RUFY4: variants seen among roughly 807,000 people sequenced by gnomAD.
RUFY4 encodes the protein RUN and FYVE domain-containing protein 4.
RUFY4 carries 73 observed loss-of-function variants against 69.0 expected under a neutral mutation model. The ratio of observed to expected loss-of-function variants is 1.06; its 90% confidence interval spans 0.88 to 1.29. The LOEUF is 1.29. Ranked by LOEUF, RUFY4 falls within the 50% of genes most tolerant of loss-of-function variation. The pLI, the probability that RUFY4 is intolerant of heterozygous loss-of-function variation, is 0.00. For synonymous variants in RUFY4, 287 were observed against 271.8 expected, an observed-to-expected ratio of 1.06 and a Z score of -0.55; for missense variants, 770 against 705.6, an observed-to-expected ratio of 1.09 and a Z score of -1.03.
chr2:218,049,384 C>T (rs1688895389), intron 2 of RUFY4, among the ~76,000 whole-genome samples: 1 of 152,170 alleles, frequency 6.6e-6, no homozygotes, highest in Non-Finnish European at 1.5e-5. Flanking sequence ...GAAAGTTTTT[C>T]CTTCAGCACT....
At chr2:218,070,374 G>A (rs748250602), upstream of RUFY4, 62 of 597,816 alleles carry the variant, frequency 1.0e-4, no homozygotes, top group South Asian at 2.8e-4. Flanking sequence ...TCGTCACCCA[G>A]GGACTGCTCA....
chr2:218,052,751 A>AC (rs989583445), intron 2 of RUFY4, among the ~76,000 whole-genome samples: 3 of 151,730 alleles, frequency 2.0e-5, no homozygotes, highest in African/African-American at 7.3e-5. Context: ...TTTTTAAAAA[A>AC]AAAAGATAAC....
intron 9 of RUFY4, among the ~76,000 whole-genome samples, chr2:218,086,921 T>G (rs999092486): frequency 2.0e-5 from 3 of 151,704 alleles, no homozygotes; most frequent in Non-Finnish European, 4.4e-5. Flanking sequence ...GAAAATAATA[T>G]GTTAAAGGCA....
At chr2:218,060,689 G>T (rs1390197779) in intron 3 of RUFY4, 3 of 1,332,672 alleles carry the variant, frequency 2.3e-6, no homozygotes, top group Admixed American at 1.7e-5. Context: ...CAGTGCTTCT[G>T]CCCCATATGG....
intron 8 of RUFY4, among the ~76,000 whole-genome samples, chr2:218,080,111 G>A (rs1468196555): frequency 6.6e-6 from 1 of 152,210 alleles, no homozygotes; most frequent in South Asian, 2.1e-4. Flanking sequence ...TTGACAGGCA[G>A]GCCAGATGCA....
intron 3 of RUFY4, among the ~76,000 whole-genome samples, chr2:218,062,186 T>G (rs1283432125): frequency 6.6e-6 from 1 of 150,752 alleles, no homozygotes; most frequent in Non-Finnish European, 1.5e-5. Flanking sequence ...GATCACAAGG[T>G]CAGGAGATCA....
At chr2:218,050,435 C>A (rs1688917171) in intron 2 of RUFY4, among the ~76,000 whole-genome samples, 1 of 152,092 alleles carries the variant, frequency 6.6e-6, no homozygotes, top group Non-Finnish European at 1.5e-5. Flanking sequence ...CTTCCACTTG[C>A]CGAACTGCAG....
chr2:218,070,001 A>G (rs1020738034), upstream of RUFY4, among the ~76,000 whole-genome samples: 3 of 152,130 alleles, frequency 2.0e-5, no homozygotes, highest in Admixed American at 2.0e-4. Flanking sequence ...TTACTTCTGC[A>G]CCCTCTCCTC....
intron 3 of RUFY4, chr2:218,059,601 T>A (rs962806156): frequency 6.0e-6 from 1 of 167,084 alleles, no homozygotes; most frequent in African/African-American, 2.4e-5. Context: ...GTATGAGTAC[T>A]TCATTCCTCT....
chr2:218,075,549 G>T, exon 7 of RUFY4: 3 of 1,536,714 alleles, frequency 2.0e-6, no homozygotes, highest in Non-Finnish European at 2.6e-6. Flanking sequence ...CCCCAGAGGG[G>T]CTGTAGAGGG....
chr2:218,060,643 A>T, intron 3 of RUFY4: 8 of 1,356,424 alleles, frequency 5.9e-6, no homozygotes, highest in Non-Finnish European at 8.5e-6. Flanking sequence ...GCAGAGCAGG[A>T]AAATGAGGAC....
intron 8 of RUFY4, among the ~76,000 whole-genome samples, chr2:218,081,050 T>C (rs191883781): frequency 8.6e-5 from 13 of 151,978 alleles, no homozygotes; most frequent in Admixed American, 5.9e-4. Context: ...GCCTGGCATA[T>C]AGTAAGTGCT....
chr2:218,057,869 G>A (rs1339579757), intron 2 of RUFY4, among the ~76,000 whole-genome samples: 1 of 152,164 alleles, frequency 6.6e-6, no homozygotes, highest in South Asian at 2.1e-4. Flanking sequence ...AGTATTCCAT[G>A]GTGTGGCTGC....
At chr2:218,037,327 A>G (rs1958994561) in intron 2 of RUFY4, among the ~76,000 whole-genome samples, 1 of 151,870 alleles carries the variant, frequency 6.6e-6, no homozygotes, top group Non-Finnish European at 1.5e-5. Context: ...CTCAAAAAAA[A>G]AAAAGATAAT....
chr2:218,044,891 G>T (rs923314695), intron 2 of RUFY4, among the ~76,000 whole-genome samples: 9 of 152,142 alleles, frequency 5.9e-5, no homozygotes, highest in African/African-American at 2.2e-4. Flanking sequence ...GAATAGTGCT[G>T]CAATGAACAT....
chr2:218,075,905 CA>C (rs1689620537), intron 7 of RUFY4, among the ~76,000 whole-genome samples, 165 bp downstream of exon 9: 1 of 152,124 alleles, frequency 6.6e-6, no homozygotes, highest in African/African-American at 2.4e-5. Flanking sequence ...ATACATTCTT[CA>C]GGTCCCCACA....
intron 8 of RUFY4, among the ~76,000 whole-genome samples, chr2:218,077,215 G>A (rs1307884153): frequency 3.3e-5 from 5 of 150,488 alleles, no homozygotes; most frequent in East Asian, 2.0e-4. Flanking sequence ...GCAGCATGTC[G>A]AGTGCCTGCA....
At chr2:218,073,533 C>T (rs941381980) in intron 5 of RUFY4, 147 bp downstream of exon 7, 10 of 1,179,166 alleles carry the variant, frequency 8.5e-6, no homozygotes, top group Non-Finnish European at 1.2e-5. Flanking sequence ...TTCTAGCCCT[C>T]GATGCTCCCA....
intron 3 of RUFY4, among the ~76,000 whole-genome samples, chr2:218,062,389 G>A (rs55733908): frequency 0.028 from 4,099 of 144,662 alleles, 163 homozygotes; most frequent in African/African-American, 0.097. Context: ...TTGGGAGACA[G>A]AGCGAGACTC....
Sources: gnomAD v4.1 joint callset for allele counts (sites outside exome capture counted in the v4.1 genomes callset) on GRCh38, gnomAD v4.1.1 for gene constraint, MANE v1.5 for transcripts, NCBI Gene and HGNC (gene_info 2026-07-23, HGNC 2026-07-21) for gene names.